Variants in SLC26A7 observed in about 807,000 individuals in gnomAD.
SLC26A7 encodes the protein anion exchange transporter.
In SLC26A7, 59 loss-of-function variants were observed where a neutral mutation model predicts 82.5. That is an observed-to-expected ratio of 0.72 (90% confidence interval 0.58 to 0.89). SLC26A7 has a LOEUF of 0.89. SLC26A7 is among the 40% of genes least tolerant of loss of function. The pLI is 0.00. For synonymous variants in SLC26A7, 271 were observed against 274.3 expected (o/e 0.99, Z 0.12); for missense variants, 820 against 793.0 (o/e 1.03, Z -0.41).
chr8:91,379,189 G>A (rs915579019), intron 15 of SLC26A7, among the ~76,000 whole-genome samples: 3 of 151,930 alleles, frequency 2.0e-5, no homozygotes, highest in East Asian at 1.9e-4. Context: ...AATAAATGGA[G>A]GGAAGCACAA....
chr8:91,301,349 G>T (rs987362445), intron 4 of SLC26A7, among the ~76,000 whole-genome samples: 5 of 152,016 alleles, frequency 3.3e-5, no homozygotes, highest in African/African-American at 1.2e-4. Flanking sequence ...GTTGCCTGGT[G>T]CTCTTTTGTA....
At chr8:91,233,017 C>T (rs1174807667) in intron 2 of SLC26A7, among the ~76,000 whole-genome samples, 1 of 152,162 alleles carries the variant, frequency 6.6e-6, no homozygotes, top group Non-Finnish European at 1.5e-5. Flanking sequence ...GGGAATACTT[C>T]CAAGTTGGTG....
intron 15 of SLC26A7, among the ~76,000 whole-genome samples, chr8:91,379,323 A>G (rs1183510713): frequency 6.6e-6 from 1 of 152,102 alleles, no homozygotes; most frequent in Non-Finnish European, 1.5e-5. Context: ...AGCTTATTTA[A>G]ATTTTTAAAT....
At position 91,343,427 on chromosome 8, in the gene SLC26A7, A is replaced by G; in HGVS notation, c.1101A>G (p.Gly367=). The G allele has an allele frequency of 6.2e-7, 1 of 1,612,890 alleles. No individual in the cohort carries two copies. Among genetic ancestry groups the G allele is most frequent in the Non-Finnish European group, 8.5e-7 (1 of 1,179,864 alleles). Residue 367 remains glycine (G), a synonymous_variant, in exon 9 of 19, where the codon GGA becomes GGG. Transcript: ENST00000276609. ...FFCIPSAAAM[G]RTAGLYSTGA... Reference sequence around the variant, plus strand: ...GCATACCAAGTGCTGCTGCCATGGGAAGGACGGCTGGCCTGTACAGCACAG... The same window carrying G: ...GCATACCAAGTGCTGCTGCCATGGGGAGGACGGCTGGCCTGTACAGCACAG...
In SLC26A7 at chr8:91,234,827, A is replaced by ACCTACCTCCTTCCTTCCTTC. The variant is rs1386380375; in HGVS notation, c.-33-14791_-33-14790insCTACCTCCTTCCTTCCTTCC. On this transcript the variant is annotated intron_variant, in intron 2 of 5. Transcript: ENST00000522862. ...TACCTACCTACCTACCTACCTACCT[A>ACCTACCTCCTTCCTTCCTTC]CTTCCTTCCTTCCTTCCTTCCTTCC... Among the ~76,000 whole-genome samples, 44 of 92,544 alleles carry ACCTACCTCCTTCCTTCCTTC rather than the reference A, an allele frequency of 4.8e-4. No homozygotes were observed. The East Asian group carries it at 5.2e-3, about 11-fold the overall frequency. 60.7% of individuals were successfully genotyped at this position (92,544 alleles called of 152,430 possible). A position where few individuals can be genotyped will look rare whatever the true frequency, so the allele number is the denominator to read the frequency against.
chr8:91,389,543 C>A, intron 16 of SLC26A7, 105 bp downstream of exon 16: 1 of 780,658 alleles, frequency 1.3e-6, no homozygotes, highest in Non-Finnish European at 2.2e-6. Flanking sequence ...TTGCAATACT[C>A]ATCTCACCCC....
At chr8:91,322,041 T>C (rs570263286) in intron 5 of SLC26A7, among the ~76,000 whole-genome samples, 2 of 152,316 alleles carry the variant, frequency 1.3e-5, no homozygotes, top group South Asian at 2.1e-4. Flanking sequence ...TAAAAAATTA[T>C]GCATTTTTTA....
intron 9 of SLC26A7, among the ~76,000 whole-genome samples, chr8:91,345,609 A>G (rs941736064): frequency 6.6e-5 from 10 of 152,216 alleles, no homozygotes; most frequent in Non-Finnish European, 1.3e-4. Context: ...AACATTTAAT[A>G]TTAAAACATC....
At chr8:91,289,402 A>C (rs1811802302) in intron 3 of SLC26A7, among the ~76,000 whole-genome samples, 156 bp downstream of exon 3, 1 of 152,234 alleles carries the variant, frequency 6.6e-6, no homozygotes. Context: ...GATAGTCAAT[A>C]TACACTGTGG....
chr8:91,266,376 G>T (rs1186473213), intron 2 of SLC26A7, among the ~76,000 whole-genome samples: 3 of 151,620 alleles, frequency 2.0e-5, no homozygotes, highest in Non-Finnish European at 4.4e-5. Flanking sequence ...AACATGGGAT[G>T]CCTTTTATTT....
At chr8:91,289,632 G>A (rs1346961400) in intron 3 of SLC26A7, among the ~76,000 whole-genome samples, 2 of 151,166 alleles carry the variant, frequency 1.3e-5, no homozygotes, top group African/African-American at 2.4e-5. Context: ...GTGACAGAGC[G>A]AGACTCTGTC....
At chr8:91,368,613 C>CG in intron 14 of SLC26A7, among the ~76,000 whole-genome samples, 1 of 151,704 alleles carries the variant, frequency 6.6e-6, no homozygotes, top group Non-Finnish European at 1.5e-5. Flanking sequence ...TTAGTAGAGA[C>CG]GGGGTTTCAC....
chr8:91,366,638 C>CA lies in SLC26A7; in HGVS notation c.1554dup (p.Phe519IlefsTer4), dbSNP rs755550507. The CA allele has an allele frequency of 8.1e-6, 13 of 1,612,706 alleles. No homozygotes were observed. The highest frequency in any genetic ancestry group is 9.3e-6 in the Non-Finnish European group (11 of 1,179,628). ...AACAACCCGCTTGTTTTCCTGAATG[C>CA]AAAAAAATTTTATACTGATTTAATG... On this transcript the variant is annotated frameshift_variant, in exon 14 of 19. Coordinates refer to ENST00000276609, the MANE Select transcript of SLC26A7 (RefSeq NM_052832.4). LOFTEE classifies it high-confidence loss of function.
intron 10 of SLC26A7, 99 bp downstream of exon 10, chr8:91,351,986 A>C: frequency 3.3e-6 from 3 of 917,470 alleles, no homozygotes; most frequent in Non-Finnish European, 5.2e-6. Flanking sequence ...ACAATCCTAA[A>C]TGTAGAAACC....
chr8:91,224,874 C>T (rs1192057565), intron 2 of SLC26A7, among the ~76,000 whole-genome samples: 1 of 152,164 alleles, frequency 6.6e-6, no homozygotes, highest in Admixed American at 6.5e-5. Flanking sequence ...TGTCCCTGAG[C>T]CTCTGGCTGG....
intron 4 of SLC26A7, among the ~76,000 whole-genome samples, chr8:91,299,919 T>C (rs937451313): frequency 1.3e-5 from 2 of 152,176 alleles, no homozygotes; most frequent in African/African-American, 4.8e-5. Flanking sequence ...ATAGACATAC[T>C]AGAATCATTA....
At chr8:91,218,777 A>G (rs1183282464) in intron 1 of SLC26A7, 23 of 621,694 alleles carry the variant, frequency 3.7e-5, no homozygotes, top group Non-Finnish European at 5.1e-5. Context: ...TAAATAGAAT[A>G]GTGCGTCTTT....
intron 15 of SLC26A7, among the ~76,000 whole-genome samples, chr8:91,384,680 C>T (rs957546530): frequency 6.6e-6 from 1 of 152,004 alleles, no homozygotes; most frequent in Non-Finnish European, 1.5e-5. Flanking sequence ...TGATTACTGT[C>T]TTCCTTGTTC....
rs1471649454 is a variant in SLC26A7 at position 91,347,853 on chromosome 8, T to G, written c.1141-3957T>G. 2.0e-5 allele frequency among the ~76,000 whole-genome samples: 3 copies of G among 152,198 alleles called. No homozygotes were observed. In the South Asian group the frequency reaches 6.2e-4, roughly 31 times the overall value. ...AAAGGTCTTTAGGGGAATAAGAAAT[T>G]TGTGGCACAGCTTAGACAAATAGCA... is the stretch of plus-strand genomic sequence containing the variant. On this transcript the variant is annotated intron_variant, in intron 9 of 18. Coordinates refer to ENST00000276609, the MANE Select transcript of SLC26A7 (RefSeq NM_052832.4).
Sources: gnomAD v4.1 joint callset for allele counts (sites outside exome capture counted in the v4.1 genomes callset) on GRCh38, gnomAD v4.1.1 for gene constraint, MANE v1.5 for transcripts, NCBI Gene and HGNC (gene_info 2026-07-23, HGNC 2026-07-21) for gene names.